Variants in CPXM2 observed in about 807,000 individuals in gnomAD.
CPXM2 encodes inactive carboxypeptidase-like protein X2.
Under a neutral mutation model 86.1 loss-of-function variants are expected in CPXM2, and 66 were observed. That is an observed-to-expected ratio of 0.77 (90% CI 0.63 to 0.94). The LOEUF is 0.94. CPXM2 is among the 40% of genes least tolerant of loss of function. The pLI is 0.00. For synonymous variants in CPXM2, 388 were observed against 400.2 expected (o/e 0.97, Z 0.36); for missense variants, 948 against 1,026.3 (o/e 0.92, Z 1.04).
At chr10:123,804,407 GTCT>G (rs2134079899) in intron 4 of CPXM2, among the ~76,000 whole-genome samples, 1 of 152,042 alleles carries the variant, frequency 6.6e-6, no homozygotes, top group South Asian at 2.1e-4. Flanking sequence ...CTTTATTTAG[GTCT>G]TCTTTTATTT....
Position 123,865,348 on chromosome 10 carries a change from CAG to C in CPXM2, c.404-2627_404-2626del, listed in dbSNP as rs1382700923. Reference sequence around the variant, plus strand: ...ACACAATGTCCTTGAAAGGCAAAGACAGAGTTACTGATCCGCCTGGGTTAGTG... The same window carrying C: ...ACACAATGTCCTTGAAAGGCAAAGACAGTTACTGATCCGCCTGGGTTAGTG... On this transcript the variant is annotated intron_variant, in intron 2 of 13. Transcript: ENST00000241305. The surrounding 1 kb of genome is among the most constrained non-coding windows in gnomAD (Gnocchi z 4.7). 3.9e-5 allele frequency among the ~76,000 whole-genome samples: 6 copies of C among 152,176 alleles called. No individual in the cohort carries two copies. Among genetic ancestry groups the C allele is most frequent in the Admixed American group, 2.6e-4 (4 of 15,274 alleles).
chr10:123,794,446 C>T (rs561272044), intron 6 of CPXM2, among the ~76,000 whole-genome samples: 4 of 152,320 alleles, frequency 2.6e-5, no homozygotes, highest in African/African-American at 7.2e-5. Flanking sequence ...ATGTGCAAAG[C>T]TCACCTGGTC....
Position 123,822,228 on chromosome 10 carries a change from C to T in CPXM2, c.653+20121G>A, listed in dbSNP as rs189917937. Reference sequence around the variant, plus strand: ...CTCAAGTGTCCTGGACAAAGTTAACCTGTTCCTTTACTTAACAAAACTTTT... The same window carrying T: ...CTCAAGTGTCCTGGACAAAGTTAACTTGTTCCTTTACTTAACAAAACTTTT... On this transcript the variant is annotated intron_variant, in intron 4 of 13. Transcript: ENST00000241305. Among the ~76,000 whole-genome samples, 571 of 152,346 alleles carry T rather than the reference C, an allele frequency of 3.7e-3. 3 individuals are homozygous for T. The highest frequency in any genetic ancestry group is 0.012 in the South Asian group (60 of 4,828).
intron 2 of CPXM2, among the ~76,000 whole-genome samples, chr10:123,910,577 C>T (rs763390433): frequency 6.6e-6 from 1 of 152,166 alleles, no homozygotes; most frequent in Non-Finnish European, 1.5e-5. Context: ...GATACAAGCC[C>T]CAGGCTGGTG....
At chr10:123,850,894 T>A (rs2134171144) in intron 3 of CPXM2, among the ~76,000 whole-genome samples, 1 of 152,304 alleles carries the variant, frequency 6.6e-6, no homozygotes, top group South Asian at 2.1e-4. Context: ...TTCGAATATA[T>A]CCCCCAGATA....
intron 6 of CPXM2, among the ~76,000 whole-genome samples, chr10:123,789,947 T>C (rs995147974): frequency 2.6e-5 from 4 of 151,958 alleles, no homozygotes; most frequent in Non-Finnish European, 5.9e-5. Flanking sequence ...TGAAACCCCG[T>C]CTCTACTAAA....
At chr10:123,796,880 G>A (rs1847345903) in intron 6 of CPXM2, among the ~76,000 whole-genome samples, 1 of 152,232 alleles carries the variant, frequency 6.6e-6, no homozygotes, top group Non-Finnish European at 1.5e-5. Flanking sequence ...TGGGTGGACT[G>A]CGGGTGAACA....
chr10:123,902,586 G>A (rs760027465), intron 2 of CPXM2, among the ~76,000 whole-genome samples: 4 of 152,106 alleles, frequency 2.6e-5, no homozygotes, highest in Non-Finnish European at 1.5e-5. Flanking sequence ...GTCTGGTGAG[G>A]GCCCATTTCA....
chr10:123,908,626 T>C (rs565039220), intron 2 of CPXM2, among the ~76,000 whole-genome samples: 2 of 152,128 alleles, frequency 1.3e-5, no homozygotes, highest in African/African-American at 4.8e-5. Context: ...GGCCACCTGG[T>C]CCATCTGCTT....
At chr10:123,873,856 C>CTTT (rs56223052) in intron 2 of CPXM2, among the ~76,000 whole-genome samples, 1,505 of 105,234 alleles carry the variant, frequency 0.014, 41 homozygotes, top group South Asian at 0.061. Flanking sequence ...TCTCACATTT[C>CTTT]TTTTTTTTTT....
At chr10:123,929,560 G>C (rs1156873096) in intron 2 of CPXM2, among the ~76,000 whole-genome samples, 3 of 152,308 alleles carry the variant, frequency 2.0e-5, no homozygotes, top group East Asian at 1.9e-4. Flanking sequence ...TTTTCTCCCT[G>C]CCCTCGCTGT....
chr10:123,747,509 G>T (rs1228207824), intron 13 of CPXM2, among the ~76,000 whole-genome samples: 2 of 152,182 alleles, frequency 1.3e-5, no homozygotes, highest in Non-Finnish European at 2.9e-5. Flanking sequence ...CCCCAGAGAG[G>T]CCCTGGCACC....
chr10:123,928,571 C>A (rs1369039909), intron 2 of CPXM2, among the ~76,000 whole-genome samples: 1 of 152,184 alleles, frequency 6.6e-6, no homozygotes, highest in East Asian at 1.9e-4. Flanking sequence ...ACTTCTGAGA[C>A]AAGGTCAGAA....
intron 6 of CPXM2, among the ~76,000 whole-genome samples, chr10:123,791,045 G>T (rs538128841): frequency 1.3e-5 from 2 of 152,138 alleles, no homozygotes; most frequent in Admixed American, 1.3e-4. Flanking sequence ...GGACAGTCAC[G>T]AGTGTGTGCC....
chr10:123,905,346 A>G (rs1296757777), intron 2 of CPXM2, among the ~76,000 whole-genome samples: 2 of 152,146 alleles, frequency 1.3e-5, no homozygotes, highest in Non-Finnish European at 2.9e-5. Context: ...TGATAAAGCC[A>G]TGGTCTCAGA....
At chr10:123,927,896 C>T (rs958778139) in intron 2 of CPXM2, among the ~76,000 whole-genome samples, 4 of 152,152 alleles carry the variant, frequency 2.6e-5, no homozygotes, top group African/African-American at 9.7e-5. Context: ...TCTCCAGGAA[C>T]CCCCCAGTGT....
chr10:123,868,531 T>G (rs1306518773), intron 2 of CPXM2, among the ~76,000 whole-genome samples: 3 of 152,112 alleles, frequency 2.0e-5, no homozygotes, highest in Admixed American at 2.0e-4. Context: ...AGAGTGATCA[T>G]CAGAGTACAC....
intron 7 of CPXM2, among the ~76,000 whole-genome samples, chr10:123,778,992 C>G (rs1846871066): frequency 6.6e-6 from 1 of 152,196 alleles, no homozygotes; most frequent in Non-Finnish European, 1.5e-5. Context: ...TCAAGACAAA[C>G]CCGGCTTGTT....
chr10:123,901,335 T>G (rs1380857086), intron 2 of CPXM2, among the ~76,000 whole-genome samples: 1 of 152,084 alleles, frequency 6.6e-6, no homozygotes, highest in East Asian at 1.9e-4. Flanking sequence ...GTAAATCACA[T>G]GCTGAGACCC....
Sources: gnomAD v4.1 joint callset for allele counts (sites outside exome capture counted in the v4.1 genomes callset) on GRCh38, gnomAD v4.1.1 for gene constraint, Gnocchi (gnomAD v3.1) non-coding constraint, MANE v1.5 for transcripts, NCBI Gene and HGNC (gene_info 2026-07-23, HGNC 2026-07-21) for gene names.